The following SLC41A3 variants were observed in gnomAD, a reference collection of about 807,000 sequenced individuals.
SLC41A3 encodes solute carrier family 41 member 3, also known as SLC41A1-like 2.
Under a neutral mutation model 45.4 loss-of-function variants are expected in SLC41A3, and 44 were observed. That is an observed-to-expected ratio of 0.97 (90% CI 0.76 to 1.25). The LOEUF (loss-of-function observed/expected upper bound fraction) is 1.25, where lower values mean the gene tolerates loss of function less well. Ranked by LOEUF, SLC41A3 falls within the 50% of genes most tolerant of loss-of-function variation. SLC41A3 has a pLI of 0.00. For synonymous variants in SLC41A3, 256 were observed against 252.4 expected (o/e 1.01, Z -0.13); for missense variants, 550 against 600.6 (o/e 0.92, Z 0.88).
At chr3:126,068,381 C>A (rs12487875) in intron 1 of SLC41A3, 135 bp from the exon 2 acceptor site, 121,415 of 628,760 alleles carry the variant, frequency 0.19, 12,294 homozygotes, top group Middle Eastern at 0.25. Context: ...TCAGCACCTG[C>A]TCCACCAGCC....
At chr3:126,069,386 C>G (rs1298761984) in intron 1 of SLC41A3, among the ~76,000 whole-genome samples, 1 of 152,118 alleles carries the variant, frequency 6.6e-6, no homozygotes, top group Non-Finnish European at 1.5e-5. Context: ...AAATCTGTAA[C>G]CGGTCATCAG....
At chr3:126,009,600 T>C (rs1365236599) in intron 9 of SLC41A3, among the ~76,000 whole-genome samples, 1 of 152,210 alleles carries the variant, frequency 6.6e-6, no homozygotes, top group Non-Finnish European at 1.5e-5. Context: ...TAGGTCTCCA[T>C]TTGCCTCTGA....
At chr3:126,022,448 C>A (rs905677692) in intron 6 of SLC41A3, among the ~76,000 whole-genome samples, 1 of 152,198 alleles carries the variant, frequency 6.6e-6, no homozygotes, top group African/African-American at 2.4e-5. Flanking sequence ...TTCTTGCTGG[C>A]GGGGACTCTG....
intron 5 of SLC41A3, 163 bp from the exon 6 acceptor site, chr3:126,023,095 GC>G: frequency 2.2e-6 from 2 of 916,256 alleles, no homozygotes; most frequent in Non-Finnish European, 3.3e-6. Context: ...TTGACGTGAA[GC>G]CAGGCTGCCC....
chr3:126,081,145 C>A (rs150384667), intron 1 of SLC41A3, among the ~76,000 whole-genome samples: 1 of 152,050 alleles, frequency 6.6e-6, no homozygotes, highest in Admixed American at 6.5e-5. Context: ...AAAGAAGATG[C>A]GGTACATATA....
At chr3:126,020,307 A>AG (rs200743009) in intron 6 of SLC41A3, among the ~76,000 whole-genome samples, 53 of 151,838 alleles carry the variant, frequency 3.5e-4, no homozygotes, top group South Asian at 2.9e-3. Context: ...CTGTGATGGG[A>AG]GGGGGGGCCT....
chr3:126,060,455 C>CACACACACACACACAG (rs1559871377), intron 2 of SLC41A3, among the ~76,000 whole-genome samples: 1 of 152,118 alleles, frequency 6.6e-6, no homozygotes, highest in Admixed American at 6.5e-5. Context: ...CACACACACA[C>CACACACACACACACAG]ACACACGTGC....
intron 1 of SLC41A3, chr3:126,095,228 T>C (rs1483303349): frequency 2.9e-6 from 2 of 692,290 alleles, no homozygotes; most frequent in Admixed American, 2.0e-5. Flanking sequence ...TCAAGACACC[T>C]GAAACCTTAT....
intron 1 of SLC41A3, among the ~76,000 whole-genome samples, chr3:126,069,609 T>C (rs1944522785): frequency 1.3e-5 from 2 of 151,930 alleles, no homozygotes; most frequent in African/African-American, 4.8e-5. Context: ...AATAAGAAAG[T>C]ATGGCCCATT....
intron 3 of SLC41A3, among the ~76,000 whole-genome samples, chr3:126,041,077 A>G (rs1432598124): frequency 6.6e-6 from 1 of 152,240 alleles, no homozygotes; most frequent in African/African-American, 2.4e-5. Flanking sequence ...ATAAAAAACA[A>G]AAACAAAATC....
chr3:126,044,112 T>C (rs1463583120), intron 3 of SLC41A3, among the ~76,000 whole-genome samples: 3 of 152,208 alleles, frequency 2.0e-5, no homozygotes, highest in Non-Finnish European at 4.4e-5. Context: ...CTATAAGATA[T>C]TCCATGCGAA....
At chr3:126,024,993 G>A (rs756467877) in intron 5 of SLC41A3, 2 of 152,270 alleles carry the variant, frequency 1.3e-5, no homozygotes, top group African/African-American at 4.8e-5. Context: ...CGTAAAGCAT[G>A]GCTGGAATGG....
chr3:126,067,871 C>T, intron 2 of SLC41A3, 76 bp downstream of exon 2: 1 of 1,488,974 alleles, frequency 6.7e-7, no homozygotes, highest in Non-Finnish European at 8.9e-7. Flanking sequence ...TAAGCTCAAC[C>T]TTACATGCAG....
intron 1 of SLC41A3, among the ~76,000 whole-genome samples, chr3:126,095,863 A>G (rs1015000705): frequency 2.0e-5 from 3 of 152,254 alleles, no homozygotes; most frequent in Admixed American, 6.5e-5. Flanking sequence ...TGGTCTGAAC[A>G]AAACGGTCAG....
chr3:126,024,625 G>T (rs992552034), intron 5 of SLC41A3: 1 of 152,352 alleles, frequency 6.6e-6, no homozygotes, highest in African/African-American at 2.4e-5. Context: ...AGCCCACATG[G>T]GTAACCCACA....
chr3:126,060,679 C>T (rs1396302130), intron 2 of SLC41A3, among the ~76,000 whole-genome samples: 4 of 134,686 alleles, frequency 3.0e-5, no homozygotes, highest in African/African-American at 1.0e-4. Context: ...CATGTCAACA[C>T]AGCTCACTGG....
chr3:126,041,402 T>A (rs968544791), intron 3 of SLC41A3, among the ~76,000 whole-genome samples: 2 of 152,166 alleles, frequency 1.3e-5, no homozygotes, highest in African/African-American at 2.4e-5. Flanking sequence ...GCCAGAGACA[T>A]CATGGTGAAA....
intron 1 of SLC41A3, among the ~76,000 whole-genome samples, chr3:126,079,925 T>C (rs1473028015): frequency 6.6e-6 from 1 of 152,132 alleles, no homozygotes; most frequent in African/African-American, 2.4e-5. Flanking sequence ...CACACACTTA[T>C]AGCCAACTCA....
In SLC41A3 at chr3:126,026,617, G is replaced by A; in HGVS notation, c.454-138C>T. ...TTTCCCTTACCCTAAAATCTCACAG[G>A]CCCTCACCCCAGGAAAAACTAATAC... On this transcript the variant is annotated intron_variant, in intron 4 of 10. Transcript: ENST00000360370. This position sits in a 1 kb window ranked among gnomAD's most constrained non-coding sequence, Gnocchi z 4.2. 8.5e-7 allele frequency: 1 copy of A among 1,181,778 alleles called. No homozygotes were observed. The highest frequency in any genetic ancestry group is 1.2e-6 in the Non-Finnish European group (1 of 847,448). The allele number at this position is 1,181,778 out of a possible 1,614,324, so 73.2% of individuals were successfully genotyped here. A position where few individuals can be genotyped will look rare whatever the true frequency, so the allele number is the denominator to read the frequency against.
Sources: gnomAD v4.1 joint callset for allele counts (sites outside exome capture counted in the v4.1 genomes callset) on GRCh38, gnomAD v4.1.1 for gene constraint, Gnocchi (gnomAD v3.1) non-coding constraint, MANE v1.5 for transcripts, NCBI Gene and HGNC (gene_info 2026-07-23, HGNC 2026-07-21) for gene names.